The following RPL7 variants were observed in gnomAD, a reference collection of about 807,000 sequenced individuals.
RPL7 encodes large ribosomal subunit protein uL30.
For synonymous variants in RPL7, 100 were observed against 102.2 expected, an observed-to-expected ratio of 0.98 and a Z score of 0.13; for missense variants, 205 against 301.9, an observed-to-expected ratio of 0.68 and a Z score of 2.38.
chr8:73,292,429 C>T (rs771077395), intron 2 of RPL7, 24 bp from the exon 3 acceptor site: 7 of 1,578,112 alleles, frequency 4.4e-6, no homozygotes, highest in Non-Finnish European at 6.0e-6. Flanking sequence ...ATCAGTTATT[C>T]ATAATTTTTA....
At chr8:73,293,661 A>G (rs773213815), upstream of RPL7, 1 of 1,611,076 alleles carries the variant, frequency 6.2e-7, no homozygotes, top group Admixed American at 1.7e-5. Flanking sequence ...CTGTCCACTT[A>G]AAGACTTCGC....
At chr8:73,292,577 T>A in intron 2 of RPL7, 112 bp downstream of exon 2, 1 of 1,012,882 alleles carries the variant, frequency 9.9e-7, no homozygotes, top group Non-Finnish European at 1.5e-6. Context: ...ATTAGGTAGC[T>A]AAGCAATTAC....
In RPL7 at chr8:73,293,628, A is replaced by C; in HGVS notation, c.-16T>G. 1 of 1,613,800 alleles carries C rather than the reference A, an allele frequency of 6.2e-7. No homozygotes were observed. The highest frequency in any genetic ancestry group is 8.5e-7 in the Non-Finnish European group (1 of 1,179,834). ...CACCCTCCATGGTTCCAGCCGGAAA[A>C]AGAGGAAGTTGGCGCATGCGTACTG... On this transcript the variant is annotated 5_prime_UTR_variant, in exon 1 of 7. Transcript: ENST00000352983.
intron 3 of RPL7, 73 bp downstream of exon 3, chr8:73,292,166 G>C: frequency 1.4e-6 from 2 of 1,407,330 alleles, no homozygotes; most frequent in Non-Finnish European, 2.0e-6. Flanking sequence ...TCAGAATCAG[G>C]GCTCCCAGAA....
chr8:73,291,392 G>A, intron 5 of RPL7, 140 bp from the exon 6 acceptor site: 1 of 847,972 alleles, frequency 1.2e-6, no homozygotes, highest in East Asian at 2.7e-5. Flanking sequence ...ACAAAGATAA[G>A]GTTCAAGCTA....
chr8:73,290,968 T>C (rs1814081759), intron 6 of RPL7, 75 bp downstream of exon 6: 2 of 1,140,332 alleles, frequency 1.8e-6, no homozygotes, highest in Admixed American at 3.8e-5. Context: ...CAATATTTAA[T>C]GGGAAAAGTA....
Position 73,292,136 on chromosome 8 carries a change from A to G in RPL7, c.290+103T>C. The G allele has an allele frequency of 4.8e-6, 6 of 1,255,006 alleles. No homozygotes were observed. The Admixed American group carries it at 1.3e-4, about 28-fold the overall frequency. The allele number at this position is 1,255,006 out of a possible 1,614,324, so 77.7% of individuals were successfully genotyped here. ...CCCTCCTTGTTCTAGCTTCCCCTAAAATATTGTTACTCCGGTGTTTCAGAA... is the reference window on the plus strand; with the variant it reads ...CCCTCCTTGTTCTAGCTTCCCCTAAGATATTGTTACTCCGGTGTTTCAGAA... On this transcript the variant is annotated intron_variant, in intron 3 of 6. Transcript: ENST00000352983.
intron 3 of RPL7, 74 bp downstream of exon 3, chr8:73,292,165 G>A (rs1345495477): frequency 2.8e-6 from 4 of 1,403,992 alleles, no homozygotes; most frequent in Non-Finnish European, 3.9e-6. Context: ...TTCAGAATCA[G>A]GGCTCCCAGA....
In RPL7 at chr8:73,293,599, T is replaced by C. The variant is rs781513626; in HGVS notation, c.14A>G (p.Glu5Gly). ...CTCAAGAGGACCAGAAGCAACTCAC[T>C]CTACACCCTCCATGGTTCCAGCCGG... is the stretch of plus-strand genomic sequence containing the variant. MEGV[E>G]EKKKEVPAVP... is the part of the protein sequence containing the mutation. The change falls in exon 1 of 7, where the codon GAA (glutamate) becomes GGA (glycine). Residue 5 changes from glutamate to glycine, a missense_variant and splice_region_variant. By Grantham distance (98) the Glu-to-Gly change is moderately conservative. Coordinates refer to ENST00000352983, the MANE Select transcript of RPL7 (RefSeq NM_000971.4). 6.0e-5 allele frequency: 97 copies of C among 1,613,760 alleles called. No homozygotes were observed. The highest frequency in any genetic ancestry group is 7.5e-5 in the Non-Finnish European group (88 of 1,179,940).
At position 73,291,555 on chromosome 8, in the gene RPL7, G is replaced by C. The variant is rs986834098; in HGVS notation, c.535C>G (p.Leu179Val). The C allele has an allele frequency of 6.3e-7, 1 of 1,590,946 alleles. No individual in the cohort carries two copies. The highest frequency in any genetic ancestry group is 8.6e-7 in the Non-Finnish European group (1 of 1,163,374). Residue 179 changes from leucine (L) to valine (V), a missense_variant, in exon 5 of 7, where the codon CTT (leucine) becomes GTT (valine). Leu to Val is a conservative substitution (Grantham distance 32). Transcript: ENST00000352983. ...TTTTCCCCCAAATAGAACCTACCAAGAGATCGAGCAATCAAAGCGTTATCT... is the reference window on the plus strand; with the variant it reads ...TTTTCCCCCAAATAGAACCTACCAACAGATCGAGCAATCAAAGCGTTATCT... The part of the protein sequence containing the change: ...LTDNALIARS[L>V]GKYGIICMED...
chr8:73,293,270 A>C, intron 1 of RPL7: 1 of 369,966 alleles, frequency 2.7e-6, no homozygotes, highest in Non-Finnish European at 5.0e-6. Flanking sequence ...GGAGGCCTGT[A>C]CCAAGCACCA....
chr8:73,293,504 G>A, intron 1 of RPL7, 95 bp downstream of exon 1: 3 of 1,481,606 alleles, frequency 2.0e-6, no homozygotes, highest in Non-Finnish European at 2.8e-6. Flanking sequence ...GGTGGGCAAA[G>A]GTGCAAGCTA....
chr8:73,293,638 T>C, upstream of RPL7: 1 of 1,613,420 alleles, frequency 6.2e-7, no homozygotes, highest in Non-Finnish European at 8.5e-7. Context: ...AAGAGGAAGT[T>C]GGCGCATGCG....
At chr8:73,293,332 T>C in intron 1 of RPL7, 1 of 488,564 alleles carries the variant, frequency 2.0e-6, no homozygotes, top group Middle Eastern at 5.6e-4. Context: ...AAAGACCCTC[T>C]ACCGAGGACT....
chr8:73,294,210 C>G (rs1202970453), upstream of RPL7: 3 of 155,102 alleles, frequency 1.9e-5, no homozygotes, highest in African/African-American at 7.2e-5. Context: ...GCCCACAGGG[C>G]TGTCTTCCGC....
At position 73,291,536 on chromosome 8, in the gene RPL7, C is replaced by T. The variant is rs775064340; in HGVS notation, c.538+16G>A. The T allele has an allele frequency of 1.9e-6, 3 of 1,574,114 alleles. No homozygotes were observed. In the South Asian group the frequency reaches 3.4e-5, roughly 18 times the overall value. ...CGCATGGTCTAATACCAAATTTTCC[C>T]CCAAATAGAACCTACCAAGAGATCG... On this transcript the variant is annotated intron_variant, in intron 5 of 6. Transcript: ENST00000352983.
chr8:73,293,582 G>T lies in RPL7; in HGVS notation c.14+17C>A, dbSNP rs765118819. ...GGAGATGGAGAAGGATTCTCAAGAGGACCAGAAGCAACTCACTCTACACCC... is the reference window on the plus strand; with the variant it reads ...GGAGATGGAGAAGGATTCTCAAGAGTACCAGAAGCAACTCACTCTACACCC... On this transcript the variant is annotated intron_variant, in intron 1 of 6. Coordinates refer to ENST00000352983, the MANE Select transcript of RPL7 (RefSeq NM_000971.4). 2.0e-5 allele frequency: 32 copies of T among 1,613,564 alleles called. No homozygotes were observed. The highest frequency in any genetic ancestry group is 2.6e-5 in the Non-Finnish European group (31 of 1,179,826).
Position 73,291,089 on chromosome 8 carries a change from G to C in RPL7, c.702C>G (p.Gly234=), listed in dbSNP as rs1213768687. ...TTHFVEGGDA[G]NREDQINRLI... ...GCCTGTTGATCTGGTCCTCCCTGTT[G>C]CCAGCATCTCCACCTTCTACAAAAT... The change falls in exon 6 of 7, where the codon GGC becomes GGG. Residue 234 remains glycine, a synonymous_variant. Coordinates refer to ENST00000352983, the MANE Select transcript of RPL7 (RefSeq NM_000971.4). 6.2e-6 allele frequency: 10 copies of C among 1,610,074 alleles called. No homozygotes were observed. The highest frequency in any genetic ancestry group is 2.7e-5 in the African/African-American group (2 of 74,800).
upstream of RPL7, chr8:73,293,675 A>C (rs1018851202): frequency 1.2e-6 from 2 of 1,602,448 alleles, no homozygotes; most frequent in Non-Finnish European, 1.7e-6. Flanking sequence ...ACTTCGCGAG[A>C]GAAGCCCCAC....
Sources: allele counts gnomAD v4.1 joint callset, GRCh38; gene constraint gnomAD v4.1.1; transcripts MANE v1.5; gene names NCBI Gene and HGNC (gene_info 2026-07-23, HGNC 2026-07-21).